THSD7B: variants seen among roughly 807,000 people sequenced by gnomAD.
The protein encoded by THSD7B is thrombospondin type 1 domain containing 7B.
In THSD7B, 138 loss-of-function variants were observed where a neutral mutation model predicts 213.6. The observed-to-expected ratio is 0.65, with a 90% CI of 0.56 to 0.74. The LOEUF is 0.74. Among genes scored for constraint, THSD7B ranks in the 30% least tolerant of loss-of-function variants. The probability of loss-of-function intolerance (pLI) is 0.00; values close to 1 mark genes in which losing one functional copy is unlikely to be tolerated. For synonymous variants in THSD7B, 742 were observed against 687.0 expected, an observed-to-expected ratio of 1.08 and a Z score of -1.25; for missense variants, 1,931 against 1,991.5, an observed-to-expected ratio of 0.97 and a Z score of 0.58.
chr2:137,272,948 G>A (rs1336688351), intron 11 of THSD7B, among the ~76,000 whole-genome samples: 1 of 151,598 alleles, frequency 6.6e-6, no homozygotes, highest in Non-Finnish European at 1.5e-5. Flanking sequence ...GTTCGAAAGA[G>A]ATTCAGGATG....
At chr2:137,274,889 A>AT (rs1311064651) in intron 11 of THSD7B, among the ~76,000 whole-genome samples, 2 of 151,882 alleles carry the variant, frequency 1.3e-5, no homozygotes, top group East Asian at 1.9e-4. Flanking sequence ...CTGTTTCCTG[A>AT]TTTTTTTTCC....
In THSD7B at chr2:137,298,521, G is replaced by A. The variant is rs535069799; in HGVS notation, c.2500+22495G>A. ...TAATCCCTGAGACCATGGGGAAAAT[G>A]TCTCCAGGCCATGTCAGAGACTTTT... On this transcript the variant is annotated intron_variant, in intron 12 of 27. Coordinates refer to ENST00000409968, the MANE Select transcript of THSD7B (RefSeq NM_001316349.2). 6.2e-4 allele frequency among the ~76,000 whole-genome samples: 94 copies of A among 151,876 alleles called. 1 individual carries two copies. The highest frequency in any genetic ancestry group is 2.1e-3 in the African/African-American group (86 of 41,256).
At chr2:137,498,808 C>T (rs993277428) in intron 15 of THSD7B, among the ~76,000 whole-genome samples, 1 of 152,062 alleles carries the variant, frequency 6.6e-6, no homozygotes, top group Admixed American at 6.5e-5. Context: ...CTTCCAAAAC[C>T]CTGAGAGAGC....
At chr2:137,399,100 T>A (rs1686286680) in intron 12 of THSD7B, among the ~76,000 whole-genome samples, 1 of 151,526 alleles carries the variant, frequency 6.6e-6, no homozygotes, top group Non-Finnish European at 1.5e-5. Flanking sequence ...GTACCTCAGA[T>A]GGAAATGCAG....
intron 17 of THSD7B, among the ~76,000 whole-genome samples, chr2:137,575,062 T>C (rs4954380): frequency 0.24 from 35,903 of 152,090 alleles, 4,476 homozygotes; most frequent in South Asian, 0.35. Flanking sequence ...CCAAAGATAC[T>C]TCTTTAGAGA....
chr2:137,119,904 A>T (rs1688517829), intron 5 of THSD7B, among the ~76,000 whole-genome samples: 1 of 152,172 alleles, frequency 6.6e-6, no homozygotes, highest in Non-Finnish European at 1.5e-5. Context: ...CAATTGGAGG[A>T]GATATTCCAC....
rs991862481 is a variant in THSD7B, at chr2:137,535,474, T to C, written c.3139-27747T>C. 5.9e-5 allele frequency among the ~76,000 whole-genome samples: 9 copies of C among 151,802 alleles called. No homozygotes were observed. In the South Asian group the frequency reaches 1.9e-3, roughly 31 times the overall value. On this transcript the variant is annotated intron_variant, in intron 15 of 27. Transcript: ENST00000409968. ...ATGACCACGTAGGCTCCATATAATA[T>C]AAGATGGCTTCAGAGTATCTTTTTA...
At chr2:137,393,934 TG>T (rs1686108325) in intron 12 of THSD7B, among the ~76,000 whole-genome samples, 1 of 139,578 alleles carries the variant, frequency 7.2e-6, no homozygotes, top group Admixed American at 7.1e-5. Context: ...TTTTTTCATA[TG>T]TTTTTTGGCT....
intron 2 of THSD7B, among the ~76,000 whole-genome samples, chr2:136,904,210 G>A (rs1684115687): frequency 6.6e-6 from 1 of 152,146 alleles, no homozygotes; most frequent in Non-Finnish European, 1.5e-5. Flanking sequence ...ACATTGACTG[G>A]TGGTACATGC....
At chr2:137,630,103 C>T (rs1396630170) in intron 20 of THSD7B, among the ~76,000 whole-genome samples, 1 of 152,032 alleles carries the variant, frequency 6.6e-6, no homozygotes, top group Non-Finnish European at 1.5e-5. Flanking sequence ...AAGCAGTCCT[C>T]CCTCTTCAGC....
rs1453650513 is a variant in THSD7B, at chr2:137,618,569, G to T, written c.3681+62G>T. On this transcript the variant is annotated intron_variant, in intron 19 of 27. Coordinates refer to ENST00000409968, the MANE Select transcript of THSD7B (RefSeq NM_001316349.2). ...TTGTTTTTCTTAATATTGGTCTGCAGTTCCATGATGTCCAATATAGATAAC... is the reference window on the plus strand; with the variant it reads ...TTGTTTTTCTTAATATTGGTCTGCATTTCCATGATGTCCAATATAGATAAC... 12 of 1,412,724 alleles carry T rather than the reference G, an allele frequency of 8.5e-6. No homozygotes were observed. The South Asian group carries it at 1.1e-4, about 13-fold the overall frequency. The allele number at this position is 1,412,724 out of a possible 1,614,324, so 87.5% of individuals were successfully genotyped here. A position where few individuals can be genotyped will look rare whatever the true frequency, so the allele number is the denominator to read the frequency against.
chr2:137,615,293 T>C (rs1331254269), intron 17 of THSD7B, among the ~76,000 whole-genome samples: 1 of 152,210 alleles, frequency 6.6e-6, no homozygotes, highest in Non-Finnish European at 1.5e-5. Context: ...TTCCTAAGCA[T>C]GAGTGGAAGT....
At chr2:137,575,313 G>A (rs1681435560) in intron 17 of THSD7B, among the ~76,000 whole-genome samples, 1 of 152,026 alleles carries the variant, frequency 6.6e-6, no homozygotes, top group South Asian at 2.1e-4. Context: ...CCACATGGTT[G>A]GGAAATCCCA....
intron 3 of THSD7B, among the ~76,000 whole-genome samples, chr2:137,088,691 C>A (rs1357662919): frequency 1.3e-5 from 2 of 150,802 alleles, no homozygotes; most frequent in East Asian, 1.9e-4. Context: ...AATAAACAGA[C>A]AACCCACAGA....
chr2:136,904,665 C>A (rs900410795), intron 2 of THSD7B, among the ~76,000 whole-genome samples: 4 of 152,178 alleles, frequency 2.6e-5, no homozygotes, highest in African/African-American at 9.7e-5. Flanking sequence ...GAGCTTATGA[C>A]AGTTCATCCC....
intron 25 of THSD7B, 99 bp from the exon 26 acceptor site, chr2:137,663,284 G>GCC: frequency 2.0e-6 from 2 of 1,025,428 alleles, no homozygotes; most frequent in Non-Finnish European, 2.6e-6. Context: ...ACATTGCCAT[G>GCC]ATGTATAGTG....
intron 12 of THSD7B, among the ~76,000 whole-genome samples, chr2:137,353,294 A>G (rs1355715748): frequency 6.6e-6 from 1 of 152,088 alleles, no homozygotes; most frequent in Admixed American, 6.6e-5. Flanking sequence ...AAGTTTAGCA[A>G]GATGTGTCAG....
intron 20 of THSD7B, among the ~76,000 whole-genome samples, chr2:137,637,043 A>G (rs1682846239): frequency 6.6e-6 from 1 of 152,208 alleles, no homozygotes. Context: ...CCATAATTTT[A>G]TCTTTAATAT....
At chr2:137,463,779 A>G (rs1384217397) in intron 15 of THSD7B, among the ~76,000 whole-genome samples, 1 of 152,122 alleles carries the variant, frequency 6.6e-6, no homozygotes, top group Non-Finnish European at 1.5e-5. Context: ...TGCATAAACA[A>G]TGGATAGACA....
Sources: gnomAD v4.1 joint callset for allele counts (sites outside exome capture counted in the v4.1 genomes callset) on GRCh38, gnomAD v4.1.1 for gene constraint, MANE v1.5 for transcripts, NCBI Gene and HGNC (gene_info 2026-07-23, HGNC 2026-07-21) for gene names.